Variants in CFAP44 observed in about 807,000 individuals in gnomAD.
The protein encoded by CFAP44 is cilia- and flagella-associated protein 44.
In CFAP44, 134 loss-of-function variants were observed where a neutral mutation model predicts 216.2. The observed-to-expected ratio is 0.62, with a 90% confidence interval of 0.54 to 0.72. The LOEUF (loss-of-function observed/expected upper bound fraction) is 0.72. Ranked by LOEUF, CFAP44 falls within the 30% of genes least tolerant of loss-of-function variation. The pLI is 0.00. For missense variants in CFAP44, 2,035 were observed against 2,182.1 expected (o/e 0.93, Z 1.34); for synonymous variants, 700 against 727.6 (o/e 0.96, Z 0.61).
chr3:113,310,594 C>T (rs1466063473), intron 28 of CFAP44, among the ~76,000 whole-genome samples: 1 of 152,208 alleles, frequency 6.6e-6, no homozygotes, highest in East Asian at 1.9e-4. Context: ...AAAAGTCACT[C>T]ATACCACAAA....
In CFAP44 at chr3:113,290,378, T is replaced by TG. The variant is rs909602148; in HGVS notation, c.*1178dup. The TG allele has an allele frequency of 2.6e-5, 4 of 152,216 alleles. No individual in the cohort carries two copies. The highest frequency in any genetic ancestry group is 9.6e-5 in the African/African-American group (4 of 41,458). 9.4% of individuals were successfully genotyped at this position (152,216 alleles called of 1,614,324 possible). A position where few individuals can be genotyped will look rare whatever the true frequency, so the allele number is the denominator to read the frequency against. Reference sequence around the variant, plus strand: ...AGAAAGCAAGACCTGTCTGTAATTTTGGGGGGCACATTAGCAGGCTAATCA... The same window carrying TG: ...AGAAAGCAAGACCTGTCTGTAATTTTGGGGGGGCACATTAGCAGGCTAATCA... On this transcript the variant is annotated 3_prime_UTR_variant, in exon 35 of 35. Transcript: ENST00000393845.
chr3:113,408,264 C>T (rs1365773007), intron 7 of CFAP44, among the ~76,000 whole-genome samples: 1 of 152,126 alleles, frequency 6.6e-6, no homozygotes, highest in African/African-American at 2.4e-5. Context: ...GAGAGAAAGA[C>T]AAGATCATTC....
intron 6 of CFAP44, among the ~76,000 whole-genome samples, chr3:113,410,192 C>A (rs1576596139): frequency 6.6e-6 from 1 of 152,130 alleles, no homozygotes; most frequent in East Asian, 1.9e-4. Flanking sequence ...GGTACATGTG[C>A]ACAACGTGCA....
intron 8 of CFAP44, among the ~76,000 whole-genome samples, chr3:113,405,451 G>A (rs1432670167): frequency 1.3e-5 from 2 of 152,030 alleles, no homozygotes; most frequent in Middle Eastern, 3.2e-3. Flanking sequence ...TCATTTCCTT[G>A]ACTCCAGATT....
intron 28 of CFAP44, among the ~76,000 whole-genome samples, chr3:113,323,594 A>T (rs1197399834): frequency 1.3e-5 from 2 of 151,532 alleles, no homozygotes; most frequent in Admixed American, 1.3e-4. Flanking sequence ...TAAAAGCTGA[A>T]TTTTTTTTTA....
chr3:113,305,998 C>A (rs1949981972), intron 30 of CFAP44, among the ~76,000 whole-genome samples: 1 of 151,852 alleles, frequency 6.6e-6, no homozygotes, highest in Non-Finnish European at 1.5e-5. Flanking sequence ...GTCTGGAGAC[C>A]AATGACTGAC....
rs1949832185 is a variant in CFAP44 at position 113,291,825 on chromosome 3, G to A, written c.5374-77C>T. On this transcript the variant is annotated intron_variant, in intron 34 of 34. Coordinates refer to ENST00000393845, the MANE Select transcript of CFAP44 (RefSeq NM_001164496.2). ...CTCCATGCCCTTATACTGTGTATCT[G>A]TGATGAGTGCTGGCCTGACAGTCAC... The A allele has an allele frequency of 3.4e-6, 5 of 1,466,480 alleles. No homozygotes were observed. In the South Asian group the frequency reaches 5.1e-5, roughly 15 times the overall value. 90.8% of individuals were successfully genotyped at this position (1,466,480 alleles called of 1,614,324 possible). A position where few individuals can be genotyped will look rare whatever the true frequency, so the allele number is the denominator to read the frequency against.
intron 6 of CFAP44, among the ~76,000 whole-genome samples, chr3:113,409,861 G>C (rs892173795): frequency 5.3e-5 from 8 of 152,160 alleles, no homozygotes; most frequent in Non-Finnish European, 8.8e-5. Context: ...CTCATTATAT[G>C]CTAATTATAA....
chr3:113,286,966 C>T lies in CFAP44; in HGVS notation c.*4591G>A, dbSNP rs115046855. ...TTGGTATTTATTTTTCTATTATAGCCATATTTATATATTTATGCACTTGTA... is the reference window on the plus strand; with the variant it reads ...TTGGTATTTATTTTTCTATTATAGCTATATTTATATATTTATGCACTTGTA... On this transcript the variant is annotated 3_prime_UTR_variant, in exon 35 of 35. Transcript: ENST00000393845. 1,057 of 1,130,344 alleles carry T rather than the reference C, an allele frequency of 9.4e-4. 6 individuals are homozygous for T. In the African/African-American group the frequency reaches 0.015, roughly 16 times the overall value. The allele number at this position is 1,130,344 out of a possible 1,614,324, so 70.0% of individuals were successfully genotyped here. A position where few individuals can be genotyped will look rare whatever the true frequency, so the allele number is the denominator to read the frequency against.
chr3:113,412,181 A>G (rs1000622691), intron 6 of CFAP44, among the ~76,000 whole-genome samples: 12 of 152,192 alleles, frequency 7.9e-5, no homozygotes, highest in African/African-American at 2.9e-4. Context: ...GGCAAGAGAA[A>G]GAAATAAAAG....
At chr3:113,326,327 T>TC in intron 28 of CFAP44, 118 bp downstream of exon 28, 5 of 907,906 alleles carry the variant, frequency 5.5e-6, no homozygotes, top group Non-Finnish European at 7.7e-6. Flanking sequence ...CCCCACAGTG[T>TC]CTCTACATTG....
chr3:113,405,499 G>C (rs982433496), intron 8 of CFAP44, among the ~76,000 whole-genome samples: 1 of 152,040 alleles, frequency 6.6e-6, no homozygotes, highest in Non-Finnish European at 1.5e-5. Context: ...GGCCAAATTT[G>C]TTTATTACTT....
At chr3:113,410,298 C>T (rs147760700) in intron 6 of CFAP44, among the ~76,000 whole-genome samples, 1,918 of 152,210 alleles carry the variant, frequency 0.013, 43 homozygotes, top group African/African-American at 0.044. Flanking sequence ...ATCCCTACCC[C>T]CTCTCCCACC....
chr3:113,412,568 C>T (rs1934516735), intron 6 of CFAP44, among the ~76,000 whole-genome samples: 3 of 152,112 alleles, frequency 2.0e-5, no homozygotes, highest in South Asian at 2.1e-4. Context: ...GTTCCCCTCT[C>T]TGTGTCCATG....
In CFAP44 at chr3:113,418,117, T is replaced by C. The variant is rs1028417471; in HGVS notation, c.571-1490A>G. On this transcript the variant is annotated intron_variant, in intron 5 of 34. Coordinates refer to ENST00000393845, the MANE Select transcript of CFAP44 (RefSeq NM_001164496.2). ...ACACAATTTATTTATTGAGACTCTGTCACTCTGTCACCCAGGCTGGAGTGC... is the reference window on the plus strand; with the variant it reads ...ACACAATTTATTTATTGAGACTCTGCCACTCTGTCACCCAGGCTGGAGTGC... Among the ~76,000 whole-genome samples the C allele has an allele frequency of 8.6e-5, 13 of 151,372 alleles. 1 individual carries two copies. Among genetic ancestry groups the C allele is most frequent in the Admixed American group, 3.3e-4 (5 of 15,228 alleles).
intron 22 of CFAP44, among the ~76,000 whole-genome samples, chr3:113,351,583 G>A (rs1228457902): frequency 2.6e-5 from 4 of 152,220 alleles, no homozygotes; most frequent in African/African-American, 9.6e-5. Context: ...GCTGAGAAAG[G>A]AGGACTCTGA....
chr3:113,420,841 T>C (rs1005362204), intron 4 of CFAP44, among the ~76,000 whole-genome samples: 22 of 152,222 alleles, frequency 1.4e-4, no homozygotes, highest in Admixed American at 5.9e-4. Flanking sequence ...AATTGATTTA[T>C]AGCATATAAA....
At chr3:113,308,731 C>A (rs1950010510) in intron 28 of CFAP44, among the ~76,000 whole-genome samples, 2 of 152,136 alleles carry the variant, frequency 1.3e-5, no homozygotes, top group South Asian at 4.1e-4. Context: ...GCTGGAATTA[C>A]AGGCACACAC....
intron 18 of CFAP44, among the ~76,000 whole-genome samples, chr3:113,367,806 G>T (rs981085190): frequency 6.6e-6 from 1 of 152,158 alleles, no homozygotes. Context: ...AAAGGAGCAT[G>T]TTCTAACCCA....
Sources: gnomAD v4.1 joint callset for allele counts (sites outside exome capture counted in the v4.1 genomes callset) on GRCh38, gnomAD v4.1.1 for gene constraint, MANE v1.5 for transcripts, NCBI Gene and HGNC (gene_info 2026-07-23, HGNC 2026-07-21) for gene names.